The following RBFOX1 variants were observed in gnomAD, a reference collection of about 807,000 sequenced individuals.
The protein encoded by RBFOX1 is RNA binding fox-1 homolog 1, also known as RNA binding protein fox-1 homolog 1.
In RBFOX1, 8 loss-of-function variants were observed where a neutral mutation model predicts 57.7. That is an observed-to-expected ratio of 0.14 (90% CI 0.08 to 0.25). RBFOX1 has a LOEUF of 0.25. Ranked by LOEUF, RBFOX1 falls within the 10% of genes least tolerant of loss-of-function variation. The pLI, the probability that RBFOX1 is intolerant of heterozygous loss-of-function variation, is 1.00. For missense variants in RBFOX1, 611 were observed against 548.5 expected (o/e 1.11, Z -1.14); for synonymous variants, 326 against 222.4 (o/e 1.47, Z -4.15).
At position 5,586,991 on chromosome 16, in the gene RBFOX1, T is replaced by C. The variant is rs141493152; in HGVS notation, c.259-11911T>C. Among the ~76,000 whole-genome samples the C allele has an allele frequency of 7.2e-3, 1,100 of 152,254 alleles. 7 individuals carry two copies. Among genetic ancestry groups the C allele is most frequent in the South Asian group, 0.023 (110 of 4,818 alleles). On this transcript the variant is annotated intron_variant, in intron 2 of 2. Coordinates refer to the RBFOX1 transcript ENST00000585867. Reference sequence around the variant, plus strand: ...ACCTTCCTGTGCTGCCCAGATGCCCTTCCCAGAGCAAATCCTGAAAAGAAG... The same window carrying C: ...ACCTTCCTGTGCTGCCCAGATGCCCCTCCCAGAGCAAATCCTGAAAAGAAG...
intron 3 of RBFOX1, among the ~76,000 whole-genome samples, chr16:5,734,078 G>A (rs2052485339): frequency 6.6e-6 from 1 of 152,142 alleles, no homozygotes; most frequent in Non-Finnish European, 1.5e-5. Context: ...GGTGTTTATG[G>A]CTGGAGAAAA....
rs572104507 is a variant in RBFOX1 at position 5,734,870 on chromosome 16, T to C, written c.319-132433T>C. Among the ~76,000 whole-genome samples the C allele has an allele frequency of 4.0e-4, 61 of 152,202 alleles. 1 individual carries two copies. The highest frequency in any genetic ancestry group is 1.5e-3 in the African/African-American group (61 of 41,546). ...TCACTGCAAGTGAGCAAAAGTAACA[T>C]CGTGAGACACCTTGGGGAGTAAGTG... On this transcript the variant is annotated intron_variant, in intron 3 of 19. Coordinates refer to the RBFOX1 transcript ENST00000641259.
intron 1 of RBFOX1, among the ~76,000 whole-genome samples, chr16:5,326,876 C>T (rs1316593056): frequency 6.6e-6 from 1 of 152,170 alleles, no homozygotes; most frequent in Non-Finnish European, 1.5e-5. Context: ...GAAAGCCCAG[C>T]ACGAGCTCAG....
At chr16:6,013,467 C>A (rs2094974001) in intron 4 of RBFOX1, among the ~76,000 whole-genome samples, 1 of 152,032 alleles carries the variant, frequency 6.6e-6, no homozygotes, top group African/African-American at 2.4e-5. Flanking sequence ...GAATCTCCAC[C>A]CTCATGATCA....
intron 2 of RBFOX1, among the ~76,000 whole-genome samples, chr16:6,637,063 T>G (rs1362029700): frequency 2.2e-5 from 2 of 92,604 alleles, no homozygotes; most frequent in Non-Finnish European, 3.8e-5. Context: ...TATTTATATG[T>G]ATAAATATGT....
At position 6,926,290 on chromosome 16, in the gene RBFOX1, G is replaced by A. The variant is rs142433506; in HGVS notation, c.-15-125767G>A. ...CCACTGCGCTACAGCCTGGGCAACA[G>A]AGCAAGACTCCATCTCAAAGAAAAA... On this transcript the variant is annotated intron_variant, in intron 3 of 15. Transcript: ENST00000550418. 1.9e-4 allele frequency among the ~76,000 whole-genome samples: 29 copies of A among 152,210 alleles called. No homozygotes were observed. The Middle Eastern group carries it at 0.01, about 54-fold the overall frequency.
rs142730082 is a variant in RBFOX1 at position 5,890,032 on chromosome 16, G to C, written c.351+22697G>C. Among the ~76,000 whole-genome samples, 936 of 152,288 alleles carry C rather than the reference G, an allele frequency of 6.1e-3. 11 individuals are homozygous for C. The highest frequency in any genetic ancestry group is 0.021 in the African/African-American group (873 of 41,550). Reference sequence around the variant, plus strand: ...TGCAGCAAAGTGGACATGACACACGGGGTGTGTTGACTGGCAGTTCCGTGT... The same window carrying C: ...TGCAGCAAAGTGGACATGACACACGCGGTGTGTTGACTGGCAGTTCCGTGT... On this transcript the variant is annotated intron_variant, in intron 4 of 19. Transcript: ENST00000641259.
At chr16:7,588,576 C>T (rs1413666361) in intron 7 of RBFOX1, among the ~76,000 whole-genome samples, 7 of 152,166 alleles carry the variant, frequency 4.6e-5, no homozygotes, top group Admixed American at 3.9e-4. Context: ...CTTCTCCTTG[C>T]ATCCTCAGAC....
At chr16:6,237,423 G>A (rs74005013) in intron 1 of RBFOX1, among the ~76,000 whole-genome samples, 83 of 152,268 alleles carry the variant, frequency 5.5e-4, no homozygotes, top group African/African-American at 1.8e-3. Flanking sequence ...GTAAGCCAAC[G>A]TGCCTCAGGT....
chr16:7,270,328 A>G (rs1357598839), intron 4 of RBFOX1, among the ~76,000 whole-genome samples: 1 of 152,258 alleles, frequency 6.6e-6, no homozygotes, highest in East Asian at 1.9e-4. Context: ...TGAAAAACCA[A>G]ACAGAATTAC....
At chr16:7,508,964 C>G (rs1188974973) in intron 4 of RBFOX1, among the ~76,000 whole-genome samples, 1 of 152,178 alleles carries the variant, frequency 6.6e-6, no homozygotes, top group Non-Finnish European at 1.5e-5. Context: ...AAGACATGAG[C>G]AAATAATAAC....
chr16:7,348,501 C>G (rs1249713870), intron 4 of RBFOX1, among the ~76,000 whole-genome samples: 3 of 152,082 alleles, frequency 2.0e-5, no homozygotes, highest in African/African-American at 7.2e-5. Flanking sequence ...CCCCTTTGCT[C>G]TTATCCCTCT....
intron 4 of RBFOX1, among the ~76,000 whole-genome samples, chr16:7,365,381 A>T (rs1227958109): frequency 6.6e-6 from 1 of 152,178 alleles, no homozygotes; most frequent in African/African-American, 2.4e-5. Context: ...CCATCCACCA[A>T]ACCATAGCCA....
intron 2 of RBFOX1, among the ~76,000 whole-genome samples, chr16:6,317,360 C>A (rs576926472): frequency 6.6e-6 from 1 of 151,880 alleles, no homozygotes; most frequent in East Asian, 1.9e-4. Flanking sequence ...TTTTTTCTCC[C>A]CCTAAGGTTT....
chr16:7,388,744 C>G (rs1278323350), intron 4 of RBFOX1, among the ~76,000 whole-genome samples: 1 of 135,400 alleles, frequency 7.4e-6, no homozygotes. Context: ...ACGAGATATT[C>G]AATACTATTA....
At chr16:6,064,621 A>G (rs1190990217) in intron 1 of RBFOX1, among the ~76,000 whole-genome samples, 1 of 151,742 alleles carries the variant, frequency 6.6e-6, no homozygotes, top group African/African-American at 2.4e-5. Flanking sequence ...GCTCACTGCA[A>G]CCTCCGCCTC....
chr16:5,684,963 A>G (rs554640607), intron 3 of RBFOX1, among the ~76,000 whole-genome samples: 45 of 152,220 alleles, frequency 3.0e-4, no homozygotes, highest in African/African-American at 1.0e-3. Context: ...ACAGATAGAT[A>G]AAGTCACTAA....
At chr16:7,441,111 T>A (rs1198036647) in intron 4 of RBFOX1, among the ~76,000 whole-genome samples, 8 of 152,094 alleles carry the variant, frequency 5.3e-5, no homozygotes, top group Non-Finnish European at 1.2e-4. Context: ...ATGGAACAAG[T>A]GACCTGCCTT....
chr16:5,495,433 C>A (rs950345715), intron 2 of RBFOX1, among the ~76,000 whole-genome samples: 1 of 152,200 alleles, frequency 6.6e-6, no homozygotes, highest in Non-Finnish European at 1.5e-5. Flanking sequence ...AATATCCAGT[C>A]CCATCATCCA....
Sources: allele counts gnomAD v4.1 joint callset (sites outside exome capture counted in the v4.1 genomes callset), GRCh38; gene constraint gnomAD v4.1.1; transcripts MANE v1.5; gene names NCBI Gene and HGNC (gene_info 2026-07-23, HGNC 2026-07-21).